TMEM38B: variants seen among roughly 807,000 people sequenced by gnomAD.
The protein encoded by TMEM38B is trimeric intracellular cation channel type B.
In TMEM38B, 24 loss-of-function variants were observed where a neutral mutation model predicts 28.7. That is an observed-to-expected ratio of 0.84 (90% CI 0.61 to 1.18). The LOEUF (loss-of-function observed/expected upper bound fraction) is 1.18, where lower values mean the gene tolerates loss of function less well. TMEM38B is among the 50% of genes most tolerant of loss of function. The probability of loss-of-function intolerance (pLI) is 0.00; values close to 1 mark genes in which losing one functional copy is unlikely to be tolerated. For synonymous variants in TMEM38B, 131 were observed against 127.7 expected (o/e 1.03, Z -0.17); for missense variants, 380 against 350.9 (o/e 1.08, Z -0.66).
chr9:105,760,211 A>T, intron 5 of TMEM38B: 1 of 894,302 alleles, frequency 1.1e-6, no homozygotes, highest in South Asian at 1.3e-5. Context: ...CAAAATGTTG[A>T]TATGTCCAAA....
At chr9:105,754,911 C>T (rs970790621) in intron 5 of TMEM38B, among the ~76,000 whole-genome samples, 3 of 152,074 alleles carry the variant, frequency 2.0e-5, no homozygotes, top group Non-Finnish European at 4.4e-5. Flanking sequence ...ATCAAATAAA[C>T]ACAATCAGAA....
At chr9:105,744,572 TTTTTTTA>T (rs879565142) in intron 4 of TMEM38B, among the ~76,000 whole-genome samples, 1 of 151,540 alleles carries the variant, frequency 6.6e-6, no homozygotes, top group Non-Finnish European at 1.5e-5. Context: ...CTTTTTTTTA[TTTTTTTA>T]TTTTTTATTT....
intron 5 of TMEM38B, among the ~76,000 whole-genome samples, chr9:105,768,798 A>G (rs780507125): frequency 1.3e-5 from 2 of 152,132 alleles, no homozygotes; most frequent in Non-Finnish European, 2.9e-5. Flanking sequence ...TCTGTCTTTT[A>G]AAATCACTCT....
chr9:105,717,621 A>G (rs986027188), intron 2 of TMEM38B, among the ~76,000 whole-genome samples: 12 of 151,786 alleles, frequency 7.9e-5, no homozygotes, highest in African/African-American at 1.7e-4. Context: ...ACCTTTAACA[A>G]CTATATTGTT....
chr9:105,754,300 C>T (rs7871159), intron 5 of TMEM38B, among the ~76,000 whole-genome samples: 3,527 of 152,234 alleles, frequency 0.023, 134 homozygotes, highest in African/African-American at 0.081. Flanking sequence ...TAGATATCTA[C>T]GGAACTCTCC....
At chr9:105,768,326 T>G (rs1013113551) in intron 5 of TMEM38B, among the ~76,000 whole-genome samples, 2 of 152,122 alleles carry the variant, frequency 1.3e-5, no homozygotes, top group African/African-American at 2.4e-5. Context: ...ACTGAATCCA[T>G]TTTTTAAAAT....
intron 2 of TMEM38B, among the ~76,000 whole-genome samples, chr9:105,720,647 A>G (rs1177034381): frequency 6.6e-6 from 1 of 152,152 alleles, no homozygotes; most frequent in African/African-American, 2.4e-5. Flanking sequence ...TTCTGACTTT[A>G]TAAATCGTGA....
At chr9:105,763,093 T>G (rs901059947) in intron 5 of TMEM38B, among the ~76,000 whole-genome samples, 5 of 149,524 alleles carry the variant, frequency 3.3e-5, no homozygotes, top group Admixed American at 6.7e-5. Context: ...TTGCCCACTT[T>G]TTGATGGGGT....
At chr9:105,735,611 A>G (rs905183609) in intron 4 of TMEM38B, among the ~76,000 whole-genome samples, 4 of 152,052 alleles carry the variant, frequency 2.6e-5, no homozygotes, top group Non-Finnish European at 4.4e-5. Flanking sequence ...GTATCATCCC[A>G]TTTTCTCTTG....
rs550729258 is a variant in TMEM38B, at chr9:105,747,008, G to A, written c.543-1065G>A. The stretch of plus-strand genomic sequence containing the variant: ...TTTTATTGAGAATTTTTGCATCGAT[G>A]TTCATCAGGGGTATTGGTCTAAAAT... On this transcript the variant is annotated intron_variant, in intron 4 of 5. Transcript: ENST00000374692. Among the ~76,000 whole-genome samples, 3 of 152,296 alleles carry A rather than the reference G, an allele frequency of 2.0e-5. No individual in the cohort carries two copies. The South Asian group carries it at 6.2e-4, about 32-fold the overall frequency.
intron 1 of TMEM38B, among the ~76,000 whole-genome samples, chr9:105,702,289 T>A (rs966774592): frequency 6.6e-6 from 1 of 151,258 alleles, no homozygotes; most frequent in African/African-American, 2.4e-5. Context: ...ATATGCAATT[T>A]AAAAATATGT....
chr9:105,727,354 G>A (rs1836552901), intron 4 of TMEM38B, among the ~76,000 whole-genome samples: 1 of 151,972 alleles, frequency 6.6e-6, no homozygotes, highest in Non-Finnish European at 1.5e-5. Flanking sequence ...TCAGCATAAT[G>A]TCCTCTAGAT....
At chr9:105,750,620 C>CA (rs1481594737) in intron 5 of TMEM38B, among the ~76,000 whole-genome samples, 2 of 144,230 alleles carry the variant, frequency 1.4e-5, no homozygotes, top group African/African-American at 2.8e-5. Context: ...TCTCAAAAAA[C>CA]AAAAAACAAA....
At chr9:105,732,994 C>T (rs1247515137) in intron 4 of TMEM38B, among the ~76,000 whole-genome samples, 1 of 151,988 alleles carries the variant, frequency 6.6e-6, no homozygotes, top group Non-Finnish European at 1.5e-5. Context: ...GTTATTTACC[C>T]AGTAGTCATT....
intron 5 of TMEM38B, among the ~76,000 whole-genome samples, chr9:105,764,308 G>C (rs948760497): frequency 2.6e-5 from 4 of 151,910 alleles, no homozygotes; most frequent in African/African-American, 9.7e-5. Context: ...GTTTGCAGAC[G>C]ACATGATTGT....
At position 105,748,727 on chromosome 9, in the gene TMEM38B, A is replaced by G. The variant is rs1399369700; in HGVS notation, c.660+537A>G. Reference sequence around the variant, plus strand: ...AGCCACTTAATGTCTCTGAATCCTGATTTTCTCATCTTCATTGTATGATTG... The same window carrying G: ...AGCCACTTAATGTCTCTGAATCCTGGTTTTCTCATCTTCATTGTATGATTG... On this transcript the variant is annotated intron_variant, in intron 5 of 5. Coordinates refer to ENST00000374692, the MANE Select transcript of TMEM38B (RefSeq NM_018112.3). 2.0e-5 allele frequency among the ~76,000 whole-genome samples: 3 copies of G among 152,072 alleles called. No individual in the cohort carries two copies. The East Asian group carries it at 5.8e-4, about 29-fold the overall frequency.
intron 4 of TMEM38B, among the ~76,000 whole-genome samples, chr9:105,735,874 A>G (rs569018020): frequency 6.6e-6 from 1 of 152,168 alleles, no homozygotes; most frequent in South Asian, 2.1e-4. Context: ...TTATTAAAAA[A>G]AATTTTTTTA....
intron 4 of TMEM38B, 55 bp from the exon 5 acceptor site, chr9:105,748,018 G>C: frequency 8.2e-7 from 1 of 1,217,166 alleles, no homozygotes; most frequent in Non-Finnish European, 1.2e-6. Flanking sequence ...CTTTGAGAAA[G>C]TTAGAGATAT....
intron 5 of TMEM38B, among the ~76,000 whole-genome samples, chr9:105,764,304 AGAC>A (rs1448285363): frequency 9.8e-5 from 15 of 152,300 alleles, no homozygotes; most frequent in Middle Eastern, 3.4e-3. Context: ...CCCTGTTTGC[AGAC>A]GACATGATTG....
Sources: gnomAD v4.1 joint callset for allele counts (sites outside exome capture counted in the v4.1 genomes callset) on GRCh38, gnomAD v4.1.1 for gene constraint, MANE v1.5 for transcripts, NCBI Gene and HGNC (gene_info 2026-07-23, HGNC 2026-07-21) for gene names.